FHIP1A: variants seen among roughly 807,000 people sequenced by gnomAD.
FHIP1A encodes FHF complex subunit HOOK interacting protein 1A, also known as FHF complex subunit HOOK-interacting protein 1A.
Under a neutral mutation model 88.6 loss-of-function variants are expected in FHIP1A, and 61 were observed. The observed-to-expected ratio is 0.69, with a 90% CI of 0.56 to 0.85. The LOEUF is 0.85. FHIP1A is among the 40% of genes least tolerant of loss of function. The pLI is 0.00. For missense variants in FHIP1A, 1,154 were observed against 1,273.5 expected (o/e 0.91, Z 1.43); for synonymous variants, 478 against 496.0 (o/e 0.96, Z 0.48).
chr4:151,516,429 G>A lies in FHIP1A; in HGVS notation c.-123+33781G>A, dbSNP rs13353590. ...GTCTAAAACACCAAAAGCAATGGCA[G>A]CAAAAGCCAAAATTGACAAATGGGA... On this transcript the variant is annotated intron_variant, in intron 3 of 13. Coordinates refer to ENST00000435205, the MANE Select transcript of FHIP1A (RefSeq NM_001109977.3). Among the ~76,000 whole-genome samples, 894 of 151,924 alleles carry A rather than the reference G, an allele frequency of 5.9e-3. 5 individuals are homozygous for A. The highest frequency in any genetic ancestry group is 0.02 in the African/African-American group (841 of 41,426).
chr4:151,523,441 G>A (rs1391320996), intron 3 of FHIP1A, among the ~76,000 whole-genome samples: 2 of 152,176 alleles, frequency 1.3e-5, no homozygotes, highest in Non-Finnish European at 2.9e-5. Context: ...CCCCATAAGT[G>A]AAATTGATGC....
chr4:151,545,952 TCAA>T (rs1732485952), intron 3 of FHIP1A, among the ~76,000 whole-genome samples: 1 of 152,134 alleles, frequency 6.6e-6, no homozygotes, highest in African/African-American at 2.4e-5. Context: ...ATTGTAAGTG[TCAA>T]CTTGACTGGA....
intron 1 of FHIP1A, among the ~76,000 whole-genome samples, chr4:151,445,603 AT>A (rs1229757847): frequency 1.3e-5 from 2 of 151,996 alleles, no homozygotes; most frequent in Non-Finnish European, 2.9e-5. Context: ...ATTATGAATA[AT>A]AAAAGACATC....
intron 1 of FHIP1A, among the ~76,000 whole-genome samples, chr4:151,410,821 T>G (rs537294356): frequency 6.6e-6 from 1 of 152,386 alleles, no homozygotes; most frequent in South Asian, 2.1e-4. Context: ...GGTTGATATC[T>G]TTTTAGTTCC....
intron 1 of FHIP1A, among the ~76,000 whole-genome samples, chr4:151,429,371 G>A (rs1398336740): frequency 6.6e-5 from 10 of 152,084 alleles, no homozygotes; most frequent in Admixed American, 1.3e-4. Context: ...TTAATTAAGC[G>A]CACACACAAT....
intron 5 of FHIP1A, among the ~76,000 whole-genome samples, chr4:151,582,708 A>G (rs1471515160): frequency 3.3e-5 from 5 of 152,230 alleles, no homozygotes; most frequent in African/African-American, 7.2e-5. Flanking sequence ...TAAGTGAAAA[A>G]TGGGTTAATG....
chr4:151,474,337 A>C (rs903368094), intron 2 of FHIP1A, among the ~76,000 whole-genome samples: 1 of 152,216 alleles, frequency 6.6e-6, no homozygotes, highest in Admixed American at 6.5e-5. Context: ...CTTTACATTG[A>C]TGGAATTAAA....
chr4:151,624,727 C>T (rs1578832586), intron 7 of FHIP1A, among the ~76,000 whole-genome samples: 1 of 152,260 alleles, frequency 6.6e-6, no homozygotes, highest in East Asian at 1.9e-4. Flanking sequence ...CTTTGGCTGT[C>T]ACCTCCATTC....
chr4:151,469,089 C>G (rs780603343), intron 2 of FHIP1A, among the ~76,000 whole-genome samples: 5 of 152,160 alleles, frequency 3.3e-5, no homozygotes, highest in Non-Finnish European at 4.4e-5. Context: ...GCTCTATTGC[C>G]TTTTACCCTC....
At chr4:151,527,287 C>T (rs1170490814) in intron 3 of FHIP1A, among the ~76,000 whole-genome samples, 4 of 152,114 alleles carry the variant, frequency 2.6e-5, no homozygotes, top group Non-Finnish European at 5.9e-5. Flanking sequence ...CTCGGGAGGC[C>T]GAGGCTGGCA....
At chr4:151,594,390 T>C (rs1734565511) in intron 7 of FHIP1A, among the ~76,000 whole-genome samples, 1 of 152,074 alleles carries the variant, frequency 6.6e-6, no homozygotes. Context: ...TTTTGGTTGG[T>C]AGGCATTAGT....
chr4:151,559,164 C>G (rs1020754429), intron 3 of FHIP1A, among the ~76,000 whole-genome samples: 2 of 152,058 alleles, frequency 1.3e-5, no homozygotes, highest in East Asian at 1.9e-4. Context: ...CTACTCATAC[C>G]CATCAGGCTA....
chr4:151,610,768 C>T (rs1035992027), intron 7 of FHIP1A, among the ~76,000 whole-genome samples: 2 of 152,164 alleles, frequency 1.3e-5, no homozygotes, highest in Non-Finnish European at 2.9e-5. Context: ...CAGATTCTTC[C>T]TGATCAGTGC....
intron 13 of FHIP1A, among the ~76,000 whole-genome samples, chr4:151,657,419 C>CT (rs1737286752): frequency 6.6e-6 from 1 of 152,040 alleles, no homozygotes; most frequent in Non-Finnish European, 1.5e-5. Flanking sequence ...CCTAAAATCT[C>CT]TGAGAGTGCC....
chr4:151,426,837 C>G (rs535556305), intron 1 of FHIP1A, among the ~76,000 whole-genome samples: 1 of 151,984 alleles, frequency 6.6e-6, no homozygotes, highest in Non-Finnish European at 1.5e-5. Context: ...ATTCCTAAAC[C>G]TAAATTATTG....
chr4:151,440,918 G>A (rs1219774544), intron 1 of FHIP1A, among the ~76,000 whole-genome samples: 1 of 152,014 alleles, frequency 6.6e-6, no homozygotes, highest in African/African-American at 2.4e-5. Flanking sequence ...CTCAGCTGAG[G>A]CCTCCTCCTT....
chr4:151,573,177 T>G (rs565444639), intron 4 of FHIP1A, among the ~76,000 whole-genome samples: 42 of 152,336 alleles, frequency 2.8e-4, no homozygotes, highest in Non-Finnish European at 5.1e-4. Flanking sequence ...AAGAGCATTG[T>G]TCACACTGTT....
intron 2 of FHIP1A, among the ~76,000 whole-genome samples, chr4:151,472,337 A>C (rs1416545281): frequency 1.3e-5 from 2 of 152,070 alleles, no homozygotes; most frequent in Admixed American, 6.6e-5. Flanking sequence ...TTGAGATAAA[A>C]TTCACATAAT....
chr4:151,621,512 ATACATT>A (rs1432661816), intron 7 of FHIP1A, among the ~76,000 whole-genome samples: 3 of 143,774 alleles, frequency 2.1e-5, no homozygotes, highest in Non-Finnish European at 4.5e-5. Context: ...CTGCCGAATG[ATACATT>A]TAACCCATCA....
Sources: gnomAD v4.1 joint callset for allele counts (sites outside exome capture counted in the v4.1 genomes callset) on GRCh38, gnomAD v4.1.1 for gene constraint, MANE v1.5 for transcripts, NCBI Gene and HGNC (gene_info 2026-07-23, HGNC 2026-07-21) for gene names.